LGSN: variants seen among roughly 807,000 people sequenced by gnomAD.
LGSN encodes the protein lengsin.
In LGSN, 21 loss-of-function variants were observed where a neutral mutation model predicts 19.5. The ratio of observed to expected loss-of-function variants is 1.07; its 90% CI spans 0.76 to 1.55. The LOEUF is 1.55. LGSN is among the 40% of genes most tolerant of loss of function. The pLI, the probability that LGSN is intolerant of heterozygous loss-of-function variation, is 0.00. For missense variants in LGSN, 673 were observed against 608.5 expected, an observed-to-expected ratio of 1.11 and a Z score of -1.12; for synonymous variants, 257 against 215.6, an observed-to-expected ratio of 1.19 and a Z score of -1.68.
chr6:63,549,561 T>C, the LGSN span: 1 of 610,234 alleles, frequency 1.6e-6, no homozygotes, highest in African/African-American at 1.9e-5. Context: ...TTGACAAGAT[T>C]TGAAGTTTTT....
chr6:63,378,953 A>G, the LGSN span, among the ~76,000 whole-genome samples: 93 of 152,348 alleles, frequency 6.1e-4, no homozygotes, highest in African/African-American at 2.2e-3. Flanking sequence ...AATTTTAAGC[A>G]AGATAATTAA....
the LGSN span, among the ~76,000 whole-genome samples, chr6:63,487,336 A>T: frequency 6.6e-6 from 1 of 152,180 alleles, no homozygotes; most frequent in Non-Finnish European, 1.5e-5. Context: ...TATCTTTATC[A>T]CCTGGACTGT....
the LGSN span, among the ~76,000 whole-genome samples, chr6:63,434,480 C>T: frequency 0.025 from 3,546 of 142,882 alleles, 147 homozygotes; most frequent in African/African-American, 0.087. Flanking sequence ...ACCTTTGGGC[C>T]AGGTGCCGTG....
chr6:63,518,251 G>C, the LGSN span, among the ~76,000 whole-genome samples: 1 of 151,652 alleles, frequency 6.6e-6, no homozygotes. Context: ...ATTGCTGCCA[G>C]AGCACATCTT....
At chr6:63,438,222 G>A in the LGSN span, among the ~76,000 whole-genome samples, 1 of 152,172 alleles carries the variant, frequency 6.6e-6, no homozygotes. Flanking sequence ...AGACCAGCCT[G>A]ACCTACACGG....
At chr6:63,412,486 G>GAAAGAAAGAAAGAAAGAAAGAAAGAAAC in the LGSN span, among the ~76,000 whole-genome samples, 3 of 57,662 alleles carry the variant, frequency 5.2e-5, 1 homozygote, top group African/African-American at 2.8e-4. Flanking sequence ...AGAAAGAGAA[G>GAAAGAAAGAAAGAAAGAAAGAAAGAAAC]AAAGAAAGAA....
the LGSN span, among the ~76,000 whole-genome samples, chr6:63,408,630 C>A: frequency 6.6e-6 from 1 of 150,682 alleles, no homozygotes; most frequent in East Asian, 1.9e-4. Context: ...GCAAGGACTT[C>A]ATGTCTAAAA....
chr6:63,367,631 C>G, the LGSN span, among the ~76,000 whole-genome samples: 1 of 144,758 alleles, frequency 6.9e-6, no homozygotes, highest in Non-Finnish European at 1.5e-5. Context: ...GCTATAAAGA[C>G]ACATGCACAC....
the LGSN span, among the ~76,000 whole-genome samples, chr6:63,533,811 G>A: frequency 1.1e-4 from 17 of 150,670 alleles, no homozygotes; most frequent in African/African-American, 3.2e-4. Context: ...ACAAAATATA[G>A]CAAATTCCTG....
chr6:63,505,891 C>T, the LGSN span, among the ~76,000 whole-genome samples: 1 of 152,146 alleles, frequency 6.6e-6, no homozygotes, highest in Non-Finnish European at 1.5e-5. Flanking sequence ...AACTCCTGAC[C>T]GTCCACCTCA....
the LGSN span, among the ~76,000 whole-genome samples, chr6:63,408,965 C>T: frequency 1.3e-5 from 2 of 152,174 alleles, no homozygotes; most frequent in African/African-American, 4.8e-5. Flanking sequence ...GGCTGGAGTG[C>T]AGTAGTGCAA....
chr6:63,331,121 T>C, the LGSN span, among the ~76,000 whole-genome samples: 1 of 152,090 alleles, frequency 6.6e-6, no homozygotes, highest in Non-Finnish European at 1.5e-5. Context: ...CTTATTTCCT[T>C]CTGGGCAGGG....
the LGSN span, among the ~76,000 whole-genome samples, chr6:63,535,275 G>T: frequency 3.2e-4 from 48 of 152,102 alleles, no homozygotes; most frequent in African/African-American, 1.1e-3. Context: ...GACTAGCCTG[G>T]CCAACATGGT....
the LGSN span, among the ~76,000 whole-genome samples, chr6:63,416,714 T>C: frequency 0.12 from 17,458 of 151,670 alleles, 2,006 homozygotes; most frequent in African/African-American, 0.3. Flanking sequence ...ATTACAGGCA[T>C]CCACCACCAC....
the LGSN span, among the ~76,000 whole-genome samples, chr6:63,509,266 T>C: frequency 3.9e-5 from 6 of 151,968 alleles, no homozygotes; most frequent in Non-Finnish European, 7.4e-5. Flanking sequence ...GGTTTCACCA[T>C]GTTGGCCAGG....
the LGSN span, among the ~76,000 whole-genome samples, chr6:63,475,526 T>C: frequency 6.6e-6 from 1 of 152,172 alleles, no homozygotes; most frequent in Non-Finnish European, 1.5e-5. Context: ...GAGGCATTTA[T>C]ACAATTGAAT....
At chr6:63,412,567 A>AAAGAAAGAAAGAAAGAAAGG in the LGSN span, among the ~76,000 whole-genome samples, 65 of 121,562 alleles carry the variant, frequency 5.3e-4, no homozygotes, top group Admixed American at 8.3e-4. Flanking sequence ...AGAAAGAAAG[A>AAAGAAAGAAAGAAAGAAAGG]AAGGAAGGAA....
chr6:63,485,208 C>T, the LGSN span, among the ~76,000 whole-genome samples: 1 of 152,038 alleles, frequency 6.6e-6, no homozygotes, highest in African/African-American at 2.4e-5. Context: ...TCCAATAGGC[C>T]CCAGTGTGTG....
the LGSN span, among the ~76,000 whole-genome samples, chr6:63,486,577 G>GCA: frequency 6.6e-6 from 1 of 152,096 alleles, no homozygotes; most frequent in Middle Eastern, 3.2e-3. Context: ...GGCAGATGCT[G>GCA]CACACACAGT....
Sources: gnomAD v4.1 joint callset for allele counts (sites outside exome capture counted in the v4.1 genomes callset) on GRCh38, gnomAD v4.1.1 for gene constraint, MANE v1.5 for transcripts, NCBI Gene and HGNC (gene_info 2026-07-23, HGNC 2026-07-21) for gene names.